SLC67A2: variants seen among roughly 807,000 people sequenced by gnomAD.
SLC67A2 encodes solute carrier family 67 member A2.
the SLC67A2 span, among the ~76,000 whole-genome samples, chr2:102,735,215 C>T: frequency 2.0e-5 from 3 of 152,180 alleles, no homozygotes; most frequent in Non-Finnish European, 4.4e-5. Flanking sequence ...AAGTTAAAGG[C>T]ATGGAGCTGG....
chr2:102,732,431 TG>T, the SLC67A2 span: 2 of 1,574,018 alleles, frequency 1.3e-6, no homozygotes, highest in South Asian at 2.3e-5. Context: ...TAAATGCTGA[TG>T]GACTCAAATT....
the SLC67A2 span, among the ~76,000 whole-genome samples, chr2:102,726,127 A>G: frequency 2.6e-5 from 4 of 152,360 alleles, no homozygotes; most frequent in East Asian, 7.7e-4. Context: ...ACGAGCCTGG[A>G]AACAGCAAAC....
At chr2:102,715,404 A>G in the SLC67A2 span, among the ~76,000 whole-genome samples, 1 of 152,128 alleles carries the variant, frequency 6.6e-6, no homozygotes, top group East Asian at 1.9e-4. Context: ...CAGGATACAG[A>G]ATCAGTGATT....
At chr2:102,715,422 C>T in the SLC67A2 span, among the ~76,000 whole-genome samples, 2 of 152,296 alleles carry the variant, frequency 1.3e-5, no homozygotes, top group Non-Finnish European at 1.5e-5. Context: ...ATTCCAGCTC[C>T]TTCTGTTGGC....
chr2:102,716,081 T>G, the SLC67A2 span: 4 of 152,126 alleles, frequency 2.6e-5, no homozygotes, highest in Non-Finnish European at 5.9e-5. Flanking sequence ...AAAGGAGTCA[T>G]GAGAAAAGGT....
chr2:102,718,322 C>A, the SLC67A2 span: 1 of 1,440,746 alleles, frequency 6.9e-7, no homozygotes, highest in Non-Finnish European at 9.5e-7. Flanking sequence ...AAATATTTCC[C>A]TTCCACCCCA....
the SLC67A2 span, among the ~76,000 whole-genome samples, chr2:102,724,082 T>C: frequency 0.74 from 113,029 of 151,988 alleles, 42,062 homozygotes; most frequent in East Asian, 0.78. Context: ...TTCTTTGAAC[T>C]TCTGAGGTCT....
chr2:102,725,994 A>G, the SLC67A2 span, among the ~76,000 whole-genome samples: 1 of 152,234 alleles, frequency 6.6e-6, no homozygotes, highest in Non-Finnish European at 1.5e-5. Flanking sequence ...AAGAACGGCA[A>G]AGAGAGAACA....
At chr2:102,736,814 C>T in the SLC67A2 span, 4 of 1,597,074 alleles carry the variant, frequency 2.5e-6, no homozygotes, top group Non-Finnish European at 3.4e-6. Flanking sequence ...GCTCCATACC[C>T]GCGCCGGCCG....
chr2:102,726,979 G>A, the SLC67A2 span: 3 of 1,611,668 alleles, frequency 1.9e-6, no homozygotes, highest in Non-Finnish European at 2.5e-6. Context: ...GCAGCCCTGA[G>A]GAAAGTAAGA....
At chr2:102,723,984 C>A in the SLC67A2 span, 1 of 1,254,492 alleles carries the variant, frequency 8.0e-7, no homozygotes, top group Non-Finnish European at 1.2e-6. Flanking sequence ...CTGTGCTTAA[C>A]CTCTATCCCT....
chr2:102,733,473 C>T, the SLC67A2 span, among the ~76,000 whole-genome samples: 2 of 152,110 alleles, frequency 1.3e-5, no homozygotes, highest in African/African-American at 2.4e-5. Flanking sequence ...TGGGCCTTTT[C>T]CATGGTTACA....
At chr2:102,731,185 T>C in the SLC67A2 span, 2 of 697,152 alleles carry the variant, frequency 2.9e-6, no homozygotes, top group Non-Finnish European at 4.5e-6. Context: ...TACCTTTTTG[T>C]TTTAAATTAT....
the SLC67A2 span, chr2:102,718,449 C>G: frequency 6.2e-7 from 1 of 1,614,150 alleles, no homozygotes; most frequent in Non-Finnish European, 8.5e-7. Context: ...CTATTCCCAT[C>G]ACCACTAGAG....
the SLC67A2 span, chr2:102,723,894 G>C: frequency 2.5e-5 from 41 of 1,613,856 alleles, no homozygotes; most frequent in Non-Finnish European, 3.3e-5. Flanking sequence ...GATGGAGAGA[G>C]TGTGTTTAAA....
At chr2:102,721,301 G>A in the SLC67A2 span, among the ~76,000 whole-genome samples, 2 of 152,144 alleles carry the variant, frequency 1.3e-5, no homozygotes, top group African/African-American at 2.4e-5. Flanking sequence ...GCATGTGTTT[G>A]AGATTTTTAT....
the SLC67A2 span, chr2:102,717,346 T>TA: frequency 6.6e-6 from 1 of 152,266 alleles, no homozygotes; most frequent in Non-Finnish European, 1.5e-5. Context: ...AAATGATTCT[T>TA]AACACAAGAC....
chr2:102,718,532 G>A, the SLC67A2 span: 22 of 1,612,028 alleles, frequency 1.4e-5, no homozygotes, highest in East Asian at 4.9e-4. Context: ...GGGGCCGCAA[G>A]GGCTGACCTC....
chr2:102,734,614 T>C, the SLC67A2 span, among the ~76,000 whole-genome samples: 1 of 152,192 alleles, frequency 6.6e-6, no homozygotes, highest in Non-Finnish European at 1.5e-5. Flanking sequence ...TAGCTTTATG[T>C]GACTTTCATG....
Sources: gnomAD v4.1 joint callset for allele counts (sites outside exome capture counted in the v4.1 genomes callset) on GRCh38, gnomAD v4.1.1 for gene constraint, MANE v1.5 for transcripts, NCBI Gene and HGNC (gene_info 2026-07-23, HGNC 2026-07-21) for gene names.